MTTP: variants seen among roughly 807,000 people sequenced by gnomAD.
MTTP encodes microsomal triglyceride transfer protein, also known as microsomal triglyceride transfer protein large subunit.
Under a neutral mutation model 90.6 loss-of-function variants are expected in MTTP, and 49 were observed. That is an observed-to-expected ratio of 0.54 (90% confidence interval 0.43 to 0.69). MTTP has a LOEUF of 0.69. Ranked by LOEUF, MTTP falls within the 30% of genes least tolerant of loss-of-function variation. MTTP has a pLI of 0.00. For synonymous variants in MTTP, 347 were observed against 384.2 expected (o/e 0.90, Z 1.13); for missense variants, 945 against 1,067.5 (o/e 0.89, Z 1.60).
chr4:99,584,973 G>C (rs969747577), intron 3 of MTTP, among the ~76,000 whole-genome samples: 2 of 152,072 alleles, frequency 1.3e-5, no homozygotes, highest in African/African-American at 2.4e-5. Flanking sequence ...GTTTATCACA[G>C]TGTATTGTCA....
At chr4:99,592,285 C>T (rs552584649) in intron 6 of MTTP, among the ~76,000 whole-genome samples, 1 of 152,314 alleles carries the variant, frequency 6.6e-6, no homozygotes, top group East Asian at 1.9e-4. Context: ...TTACTGTACA[C>T]TACTGTAGAC....
chr4:99,618,949 C>T (rs1726164087), intron 15 of MTTP, 25 bp from the exon 16 acceptor site: 2 of 1,607,548 alleles, frequency 1.2e-6, no homozygotes, highest in Non-Finnish European at 1.7e-6. Flanking sequence ...ATTTTTATAA[C>T]TATTATTATG....
intron 9 of MTTP, among the ~76,000 whole-genome samples, chr4:99,601,378 G>A (rs1455653852): frequency 7.1e-6 from 1 of 140,850 alleles, no homozygotes; most frequent in African/African-American, 2.6e-5. Flanking sequence ...TAAATTTCCA[G>A]GGTTAAGAAT....
At chr4:99,617,874 C>G (rs1447350420) in intron 15 of MTTP, among the ~76,000 whole-genome samples, 1 of 152,116 alleles carries the variant, frequency 6.6e-6, no homozygotes, top group Admixed American at 6.6e-5. Context: ...TGACTATTAA[C>G]TCAGTGTCAT....
chr4:99,566,054 C>G (rs902436489), intron 1 of MTTP, among the ~76,000 whole-genome samples: 2 of 152,038 alleles, frequency 1.3e-5, no homozygotes, highest in East Asian at 3.9e-4. Flanking sequence ...CTTTGGGAGG[C>G]CTAGGCGGGC....
At chr4:99,570,683 T>G (rs951114385), upstream of MTTP, 7 of 455,648 alleles carry the variant, frequency 1.5e-5, no homozygotes, top group African/African-American at 1.0e-4. Context: ...GTAAAAAGAT[T>G]ATCCTGGATT....
upstream of MTTP, among the ~76,000 whole-genome samples, chr4:99,573,355 A>G (rs1211914789): frequency 6.6e-6 from 1 of 152,170 alleles, no homozygotes. Flanking sequence ...GCACTTTCAC[A>G]TTGCCTTGTA....
intron 1 of MTTP, among the ~76,000 whole-genome samples, chr4:99,569,446 T>C (rs772838363): frequency 5.9e-5 from 9 of 152,098 alleles, no homozygotes; most frequent in Non-Finnish European, 1.3e-4. Flanking sequence ...TATATTAATA[T>C]TGGTTTATTA....
chr4:99,609,101 T>C, intron 12 of MTTP, 124 bp downstream of exon 12: 1 of 986,978 alleles, frequency 1.0e-6, no homozygotes. Context: ...AACCAAAGAG[T>C]GCCAGATTTC....
rs752883775 is a variant in MTTP at position 99,611,458 on chromosome 4, C to T, written c.1989+5C>T. On this transcript the variant is annotated splice_donor_5th_base_variant and intron_variant, in intron 14 of 17. Coordinates refer to ENST00000265517, the MANE Select transcript of MTTP (RefSeq NM_001386140.1). ...GCTGGTCTTCACGGTAGCCAGGTAACTCACTTCTCATGGATTTTGCTTAAT... is the reference window on the plus strand; with the variant it reads ...GCTGGTCTTCACGGTAGCCAGGTAATTCACTTCTCATGGATTTTGCTTAAT... 2 of 1,614,010 alleles carry T rather than the reference C, an allele frequency of 1.2e-6. No homozygotes were observed. Among genetic ancestry groups the T allele is most frequent in the South Asian group, 1.1e-5 (1 of 91,082 alleles).
In MTTP at chr4:99,611,150, G is replaced by A; in HGVS notation, c.1777G>A (p.Val593Ile). The A allele has an allele frequency of 6.2e-7, 1 of 1,613,242 alleles. No homozygotes were observed. Among genetic ancestry groups the A allele is most frequent in the Non-Finnish European group, 8.5e-7 (1 of 1,179,718 alleles). The change falls in exon 13 of 18, where the codon GTC (valine) becomes ATC (isoleucine). Residue 593 changes from valine (V) to isoleucine (I), a missense_variant. By Grantham distance (29) the Val-to-Ile change is conservative. Coordinates refer to ENST00000265517, the MANE Select transcript of MTTP (RefSeq NM_001386140.1). Reference protein sequence around the residue: ...LRFEMPASKIVRRVLKEMVAH... With the variant: ...LRFEMPASKIIRRVLKEMVAH... ...TTTCCTCATATGTTGCAGCAAAATT[G>A]TCCGTCGAGTTCTGAAGGAAATGGT...
intron 8 of MTTP, among the ~76,000 whole-genome samples, chr4:99,600,054 G>T (rs2110224206): frequency 6.6e-6 from 1 of 152,132 alleles, no homozygotes; most frequent in East Asian, 1.9e-4. Flanking sequence ...ACTATGGTGT[G>T]TTTTTATTTT....
chr4:99,587,938 G>A (rs1253617049), intron 3 of MTTP, among the ~76,000 whole-genome samples: 3 of 152,122 alleles, frequency 2.0e-5, no homozygotes, highest in African/African-American at 7.2e-5. Flanking sequence ...ATATGATACT[G>A]TGAATTTTCA....
intron 11 of MTTP, 26 bp downstream of exon 11, chr4:99,606,986 C>A: frequency 2.6e-6 from 4 of 1,549,400 alleles, no homozygotes; most frequent in Non-Finnish European, 3.5e-6. Flanking sequence ...ATATTTGCAA[C>A]ATTTACAGAA....
chr4:99,622,873 A>G lies in MTTP; in HGVS notation c.*25A>G, dbSNP rs754035547. ...AAACTGACCTGTGATATTTTACTTG[A>G]ATTTGTCTCCCCGAAAGGGACACAA... is the stretch of plus-strand genomic sequence containing the variant. On this transcript the variant is annotated 3_prime_UTR_variant, in exon 18 of 18. Coordinates refer to ENST00000265517, the MANE Select transcript of MTTP (RefSeq NM_001386140.1). 1 of 1,611,004 alleles carries G rather than the reference A, an allele frequency of 6.2e-7. No individual in the cohort carries two copies. The highest frequency in any genetic ancestry group is 1.1e-5 in the South Asian group (1 of 91,016).
At chr4:99,565,158 T>C (rs1724642919) in intron 1 of MTTP, among the ~76,000 whole-genome samples, 1 of 152,214 alleles carries the variant, frequency 6.6e-6, no homozygotes, top group Admixed American at 6.5e-5. Context: ...ATGTAGGTCA[T>C]TAAATTCAGG....
In MTTP at chr4:99,613,629, T is replaced by C. The variant is rs185749262; in HGVS notation, c.2217+489T>C. Among the ~76,000 whole-genome samples the C allele has an allele frequency of 3.3e-5, 5 of 152,326 alleles. No homozygotes were observed. In the East Asian group the frequency reaches 9.6e-4, roughly 29 times the overall value. On this transcript the variant is annotated intron_variant, in intron 15 of 17. Coordinates refer to ENST00000265517, the MANE Select transcript of MTTP (RefSeq NM_001386140.1). ...GCCATGAGCCACATGCAAGAAATCA[T>C]GAAGACTCTTTGCCCAAAATTCTCA... is the stretch of plus-strand genomic sequence containing the variant.
At chr4:99,579,443 T>C (rs1725044443) in intron 1 of MTTP, among the ~76,000 whole-genome samples, 1 of 152,078 alleles carries the variant, frequency 6.6e-6, no homozygotes, top group Non-Finnish European at 1.5e-5. Context: ...GTTTCCTCTG[T>C]GAGGGGAAGG....
At chr4:99,586,385 G>A (rs1347121626) in intron 3 of MTTP, among the ~76,000 whole-genome samples, 1 of 152,024 alleles carries the variant, frequency 6.6e-6, no homozygotes, top group Non-Finnish European at 1.5e-5. Flanking sequence ...CAATTAACTG[G>A]ATAATTACCA....
Sources: allele counts gnomAD v4.1 joint callset (sites outside exome capture counted in the v4.1 genomes callset), GRCh38; gene constraint gnomAD v4.1.1; transcripts MANE v1.5; gene names NCBI Gene and HGNC (gene_info 2026-07-23, HGNC 2026-07-21).